Variants in HOGA1 observed in about 807,000 individuals in gnomAD.
The protein encoded by HOGA1 is 4-hydroxy-2-oxoglutarate aldolase 1, also known as 4-hydroxy-2-oxoglutarate aldolase, mitochondrial.
HOGA1 carries 30 observed loss-of-function variants against 34.3 expected under a neutral mutation model. The observed-to-expected ratio is 0.87, with a 90% CI of 0.65 to 1.19. The LOEUF is 1.19. Ranked by LOEUF, HOGA1 falls within the 50% of genes most tolerant of loss-of-function variation. The pLI, the probability that HOGA1 is intolerant of heterozygous loss-of-function variation, is 0.00. For missense variants in HOGA1, 417 were observed against 436.5 expected (o/e 0.96, Z 0.40); for synonymous variants, 161 against 174.0 (o/e 0.93, Z 0.59).
At chr10:97,607,663 T>C (rs2041167214) in intron 6 of HOGA1, among the ~76,000 whole-genome samples, 1 of 152,096 alleles carries the variant, frequency 6.6e-6, no homozygotes. Flanking sequence ...TGTCCAGATA[T>C]ATATATAATT....
intron 6 of HOGA1, chr10:97,602,696 T>A: frequency 2.8e-6 from 2 of 721,414 alleles, no homozygotes; most frequent in Non-Finnish European, 3.4e-6. Flanking sequence ...TTTCCTTCTT[T>A]CTTTTTTTAG....
intron 1 of HOGA1, among the ~76,000 whole-genome samples, chr10:97,594,853 T>A (rs2041056838): frequency 6.6e-6 from 1 of 151,414 alleles, no homozygotes; most frequent in Non-Finnish European, 1.5e-5. Flanking sequence ...CACATGGGGG[T>A]GGGGGTGGAG....
At chr10:97,589,822 C>A in intron 1 of HOGA1, 2 of 1,184,598 alleles carry the variant, frequency 1.7e-6, no homozygotes, top group Non-Finnish European at 2.5e-6. Flanking sequence ...TCCTGGAGAC[C>A]TTCTTGGAGC....
chr10:97,589,753 T>C, intron 1 of HOGA1: 2 of 690,244 alleles, frequency 2.9e-6, no homozygotes. Context: ...CTTTCAAGCA[T>C]GAATCATACC....
At chr10:97,596,473 T>A (rs1789475490) in intron 1 of HOGA1, among the ~76,000 whole-genome samples, 1 of 152,168 alleles carries the variant, frequency 6.6e-6, no homozygotes, top group Non-Finnish European at 1.5e-5. Flanking sequence ...GAGTTTGATC[T>A]TTGACTCTTT....
At chr10:97,591,383 G>A (rs1195766307) in intron 1 of HOGA1, among the ~76,000 whole-genome samples, 5 of 152,140 alleles carry the variant, frequency 3.3e-5, no homozygotes, top group Non-Finnish European at 7.4e-5. Context: ...GCTACTGAGT[G>A]AGCACAACAC....
chr10:97,611,133 A>G (rs541515759), intron 6 of HOGA1, among the ~76,000 whole-genome samples: 2 of 152,202 alleles, frequency 1.3e-5, no homozygotes, highest in South Asian at 2.1e-4. Context: ...GTCTGGTGTG[A>G]CCTGCGTCAG....
rs1186307856 is a variant in HOGA1 at position 97,599,713 on chromosome 10, T to C, written c.502T>C (p.Tyr168His). The C allele has an allele frequency of 1.9e-6, 3 of 1,614,022 alleles. No homozygotes were observed. The highest frequency in any genetic ancestry group is 1.7e-6 in the Non-Finnish European group (2 of 1,180,032). ...TCTCTCTCCAATCCCTGTGGTGCTG[T>C]ACAGTGTCCCAGCCAACACAGGGCT... ...ADLSPIPVVL[Y>H]SVPANTGLDL... Residue 168 changes from tyrosine to histidine, a missense_variant, in exon 4 of 7, where the codon TAC (tyrosine) becomes CAC (histidine). By Grantham distance (83) the Tyr-to-His change is moderately conservative (BLOSUM62 2). Coordinates refer to ENST00000370646, the MANE Select transcript of HOGA1 (RefSeq NM_138413.4).
chr10:97,602,444 A>T, intron 6 of HOGA1: 1 of 985,404 alleles, frequency 1.0e-6, no homozygotes, highest in Non-Finnish European at 1.2e-6. Flanking sequence ...GTTGTCTTCA[A>T]ATAATCGGTT....
At chr10:97,602,334 G>C in intron 6 of HOGA1, 1 of 1,238,064 alleles carries the variant, frequency 8.1e-7, no homozygotes, top group Non-Finnish European at 1.0e-6. Flanking sequence ...TGGAGAGAAA[G>C]AGTGTAAACC....
intron 1 of HOGA1, among the ~76,000 whole-genome samples, chr10:97,593,146 G>A (rs1307518931): frequency 6.6e-6 from 1 of 152,084 alleles, no homozygotes; most frequent in African/African-American, 2.4e-5. Context: ...GGCTGGGAGG[G>A]TGGCTAATTT....
chr10:97,593,029 C>CAAAAAAAAAAAAAA (rs1169191059), intron 1 of HOGA1, among the ~76,000 whole-genome samples: 83 of 47,790 alleles, frequency 1.7e-3, no homozygotes, highest in African/African-American at 2.1e-3. Context: ...GACTCTGTCT[C>CAAAAAAAAAAAAAA]AAAAAAAAAA....
chr10:97,609,715 A>G (rs997121628), intron 6 of HOGA1, among the ~76,000 whole-genome samples: 4 of 152,170 alleles, frequency 2.6e-5, no homozygotes, highest in Non-Finnish European at 5.9e-5. Context: ...GGGCCACATC[A>G]GATATCTTTG....
intron 6 of HOGA1, among the ~76,000 whole-genome samples, chr10:97,611,139 G>A (rs560216581): frequency 6.5e-4 from 99 of 152,268 alleles, no homozygotes; most frequent in African/African-American, 4.3e-4. Flanking sequence ...TGTGACCTGC[G>A]TCAGGTTTCA....
At chr10:97,609,429 G>A (rs1204896634) in intron 6 of HOGA1, among the ~76,000 whole-genome samples, 10 of 152,000 alleles carry the variant, frequency 6.6e-5, no homozygotes, top group Admixed American at 5.2e-4. Flanking sequence ...AGATCTCTGC[G>A]TGTCATCCCG....
At chr10:97,587,363 G>A (rs1315204860) in intron 1 of HOGA1, among the ~76,000 whole-genome samples, 3 of 152,180 alleles carry the variant, frequency 2.0e-5, no homozygotes, top group Non-Finnish European at 4.4e-5. Context: ...AAGGCAGGAG[G>A]ATCTCTTGAG....
At chr10:97,598,433 TAAAC>T (rs971394406) in intron 1 of HOGA1, among the ~76,000 whole-genome samples, 2 of 152,220 alleles carry the variant, frequency 1.3e-5, no homozygotes, top group Non-Finnish European at 2.9e-5. Flanking sequence ...AAAATAGTAT[TAAAC>T]AAACAGCAAA....
Position 97,589,844 on chromosome 10 carries a change from C to A in HOGA1, c.211+4930C>A, listed in dbSNP as rs2041003655. On this transcript the variant is annotated intron_variant, in intron 1 of 6. Coordinates refer to ENST00000370646, the MANE Select transcript of HOGA1 (RefSeq NM_138413.4). ...GACCTTCTTGGAGCTCATCCAGCAG[C>A]CATCATGCAAGGTGGTGCTGGGGAC... The A allele has an allele frequency of 5.7e-6, 8 of 1,407,104 alleles. No individual in the cohort carries two copies. The East Asian group carries it at 9.1e-5, about 16-fold the overall frequency. 87.2% of individuals were successfully genotyped at this position (1,407,104 alleles called of 1,614,324 possible). A position where few individuals can be genotyped will look rare whatever the true frequency, so the allele number is the denominator to read the frequency against.
chr10:97,587,771 G>A (rs544376189), intron 1 of HOGA1, among the ~76,000 whole-genome samples: 14 of 152,226 alleles, frequency 9.2e-5, no homozygotes, highest in Admixed American at 2.6e-4. Context: ...CTCCCAAAGT[G>A]CTGGGATTAC....
Sources: allele counts gnomAD v4.1 joint callset (sites outside exome capture counted in the v4.1 genomes callset), GRCh38; gene constraint gnomAD v4.1.1; transcripts MANE v1.5; gene names NCBI Gene and HGNC (gene_info 2026-07-23, HGNC 2026-07-21).